The following CD1D variants were observed in gnomAD, a reference collection of about 807,000 sequenced individuals.
CD1D encodes the protein antigen-presenting glycoprotein CD1d.
Under a neutral mutation model 42.1 loss-of-function variants are expected in CD1D, and 40 were observed. The ratio of observed to expected loss-of-function variants is 0.95; its 90% confidence interval spans 0.74 to 1.24. The LOEUF (loss-of-function observed/expected upper bound fraction) is 1.24. Among genes scored for constraint, CD1D ranks in the 50% most tolerant of loss-of-function variants. The pLI is 0.00. For missense variants in CD1D, 437 were observed against 416.5 expected, an observed-to-expected ratio of 1.05 and a Z score of -0.43; for synonymous variants, 178 against 171.8, an observed-to-expected ratio of 1.04 and a Z score of -0.28.
At chr1:158,180,741 C>T, upstream of CD1D, 1 of 245,914 alleles carries the variant, frequency 4.1e-6, no homozygotes, top group Non-Finnish European at 7.7e-6. Context: ...ACAGACACAA[C>T]CTTATGTCCT....
Position 158,182,166 on chromosome 1 carries a change from G to GCCCC in CD1D, c.464_467dup (p.Leu157ProfsTer26). The stretch of plus-strand genomic sequence containing the variant: ...AACTTCTTGGGAGCCAACCCAAGAG[G>GCCCC]CCCCACTTTGGGTAAACTTGGCCAT... On this transcript the variant is annotated frameshift_variant, in exon 3 of 6. Transcript: ENST00000674085. LOFTEE classifies it high-confidence loss of function. 1 of 1,614,148 alleles carries GCCCC rather than the reference G, an allele frequency of 6.2e-7. No individual in the cohort carries two copies. Among genetic ancestry groups the GCCCC allele is most frequent in the Non-Finnish European group, 8.5e-7 (1 of 1,180,034 alleles).
intron 5 of CD1D, 38 bp downstream of exon 5, chr1:158,184,073 C>T (rs1648596300): frequency 6.2e-7 from 1 of 1,613,500 alleles, no homozygotes; most frequent in Non-Finnish European, 8.5e-7. Flanking sequence ...CCTCTCTCCC[C>T]TTCATTCCTG....
At position 158,185,182 on chromosome 1, in the gene CD1D, G is replaced by A. The variant is rs1267638737; in HGVS notation, c.*1032G>A. Among the ~76,000 whole-genome samples, 1 of 152,192 alleles carries A rather than the reference G, an allele frequency of 6.6e-6. No homozygotes were observed. Among genetic ancestry groups the A allele is most frequent in the African/African-American group, 2.4e-5 (1 of 41,456 alleles). On this transcript the variant is annotated 3_prime_UTR_variant, in exon 6 of 6. Transcript: ENST00000674085. Reference sequence around the variant, plus strand: ...AGGACAGAGCAGGAAACTTACAGGGGTAGCAGACCTTTCTGATGCCAAAGA... The same window carrying A: ...AGGACAGAGCAGGAAACTTACAGGGATAGCAGACCTTTCTGATGCCAAAGA...
upstream of CD1D, among the ~76,000 whole-genome samples, chr1:158,178,052 G>T (rs1183334203): frequency 3.3e-5 from 5 of 152,228 alleles, no homozygotes; most frequent in East Asian, 9.6e-4. Flanking sequence ...TTGCTCCTGG[G>T]ACTGGACGTC....
chr1:158,181,861 G>T, intron 2 of CD1D, 140 bp downstream of exon 2: 1 of 1,364,156 alleles, frequency 7.3e-7, no homozygotes, highest in East Asian at 2.3e-5. Flanking sequence ...ACCTGGAGAT[G>T]TCCCAGGCTT....
rs201889532 is a variant in CD1D at position 158,184,117 on chromosome 1, A to G, written c.987-12A>G. 1,760 of 1,613,548 alleles carry G rather than the reference A, an allele frequency of 1.1e-3. 29 individuals carry two copies. The South Asian group carries it at 0.016, about 14-fold the overall frequency. On this transcript the variant is annotated splice_polypyrimidine_tract_variant and intron_variant, in intron 5 of 5. Transcript: ENST00000674085. The stretch of plus-strand genomic sequence containing the variant: ...TTTCCTTAATGGTCTTTCCCTTTCT[A>G]TTCTCTCACAGTTCCTATCAGGGCG...
At position 158,185,391 on chromosome 1, in the gene CD1D, C is replaced by G. The variant is rs1648662421; in HGVS notation, c.*1241C>G. Among the ~76,000 whole-genome samples the G allele has an allele frequency of 6.6e-6, 1 of 152,144 alleles. No homozygotes were observed. The highest frequency in any genetic ancestry group is 1.9e-4 in the East Asian group (1 of 5,192). ...TGAATTTAGGATGTGCGTGAAGATT[C>G]TGCTAGCTTCAACATATCCCAAAGC... is the stretch of plus-strand genomic sequence containing the variant. On this transcript the variant is annotated 3_prime_UTR_variant, in exon 6 of 6. Transcript: ENST00000674085.
chr1:158,183,127 T>TA lies in CD1D; in HGVS notation c.858dup (p.Glu287ArgfsTer40). 6.2e-7 allele frequency: 1 copy of TA among 1,612,582 alleles called. No individual in the cohort carries two copies. Among genetic ancestry groups the TA allele is most frequent in the Non-Finnish European group, 8.5e-7 (1 of 1,179,008 alleles). ...TCCTGTCGGGTGAAGCACAGCAGTC[T>TA]AGAGGGCCAGGACATCGTCCTCTAC... On this transcript the variant is annotated frameshift_variant, in exon 4 of 6. Coordinates refer to ENST00000674085, the MANE Select transcript of CD1D (RefSeq NM_001371762.2). LOFTEE classifies it high-confidence loss of function.
Position 158,181,133 on chromosome 1 carries a change from C to A in CD1D, c.32C>A (p.Ala11Glu), listed in dbSNP as rs575858932. 112 of 1,549,020 alleles carry A rather than the reference C, an allele frequency of 7.2e-5. No individual in the cohort carries two copies. The East Asian group carries it at 2.6e-3, about 36-fold the overall frequency. Residue 11 changes from alanine to glutamate, a missense_variant, in exon 1 of 6, where the codon GCG becomes GAG. Ala to Glu is a moderately radical substitution (Grantham distance 107, BLOSUM62 -1). Coordinates refer to ENST00000674085, the MANE Select transcript of CD1D (RefSeq NM_001371762.2). MGCLLFLLLW[A>E]LLQAWGSAEV... Reference sequence around the variant, plus strand: ...TGCCTGCTGTTTCTGCTGCTCTGGGCGCTCCTCCAGGCTTGGGGAAGCGCT... The same window carrying A: ...TGCCTGCTGTTTCTGCTGCTCTGGGAGCTCCTCCAGGCTTGGGGAAGCGCT...
upstream of CD1D, among the ~76,000 whole-genome samples, chr1:158,179,434 T>G (rs765435932): frequency 9.2e-5 from 14 of 152,172 alleles, no homozygotes; most frequent in Non-Finnish European, 1.6e-4. Flanking sequence ...AAGGGAAACA[T>G]TAACGTTAGC....
At position 158,182,194 on chromosome 1, in the gene CD1D, A is replaced by G. The variant is rs769237588; in HGVS notation, c.491A>G (p.Gln164Arg). Residue 164 changes from glutamine (Q) to arginine (R), a missense_variant, in exon 3 of 6, where the codon CAA (glutamine) becomes CGA (arginine). Coordinates refer to ENST00000674085, the MANE Select transcript of CD1D (RefSeq NM_001371762.2). The part of the protein sequence containing the change: ...EAPLWVNLAI[Q>R]VLNQDKWTRE... ...CCACTTTGGGTAAACTTGGCCATTC[A>G]AGTGCTCAACCAGGACAAGTGGACG... 1 of 1,614,152 alleles carries G rather than the reference A, an allele frequency of 6.2e-7. No individual in the cohort carries two copies. The highest frequency in any genetic ancestry group is 1.7e-5 in the Admixed American group (1 of 60,016).
Position 158,184,134 on chromosome 1 carries a change from A to G in CD1D, c.992A>G (p.Tyr331Cys), listed in dbSNP as rs747537286. The change falls in exon 6 of 6, where the codon TAT (tyrosine) becomes TGT (cysteine). Residue 331 changes from tyrosine (Y) to cysteine (C), a missense_variant. Coordinates refer to ENST00000674085, the MANE Select transcript of CD1D (RefSeq NM_001371762.2). ...FTSRFKRQTS[Y>C]QGVL ...CCCTTTCTATTCTCTCACAGTTCCT[A>G]TCAGGGCGTCCTGTGACTCGCCTTG... 6 of 1,613,668 alleles carry G rather than the reference A, an allele frequency of 3.7e-6. No individual in the cohort carries two copies. The highest frequency in any genetic ancestry group is 4.5e-5 in the East Asian group (2 of 44,870).
upstream of CD1D, among the ~76,000 whole-genome samples, chr1:158,178,236 CTA>C (rs1648249477): frequency 6.6e-6 from 1 of 152,208 alleles, no homozygotes; most frequent in Non-Finnish European, 1.5e-5. Context: ...TGAATAAAGA[CTA>C]TGAGCAATTG....
chr1:158,184,096 C>G lies in CD1D; in HGVS notation c.987-33C>G, dbSNP rs201346283. On this transcript the variant is annotated intron_variant, in intron 5 of 5. Transcript: ENST00000674085. Reference sequence around the variant, plus strand: ...CCCTTCATTCCTGGCTTCCCTTTTCCTTAATGGTCTTTCCCTTTCTATTCT... The same window carrying G: ...CCCTTCATTCCTGGCTTCCCTTTTCGTTAATGGTCTTTCCCTTTCTATTCT... 2.2e-5 allele frequency: 36 copies of G among 1,613,948 alleles called. 1 individual carries two copies. The highest frequency in any genetic ancestry group is 2.9e-5 in the Non-Finnish European group (34 of 1,179,984).
chr1:158,183,650 A>G (rs1234567620), intron 4 of CD1D, among the ~76,000 whole-genome samples: 1 of 152,252 alleles, frequency 6.6e-6, no homozygotes, highest in Non-Finnish European at 1.5e-5. Flanking sequence ...CCGGAGCCAC[A>G]TAGAAAGTGG....
At position 158,183,001 on chromosome 1, in the gene CD1D, A is replaced by T. The variant is rs776133854; in HGVS notation, c.731A>T (p.Glu244Val). The change falls in exon 4 of 6, where the codon GAG becomes GTG. Residue 244 changes from glutamate (E) to valine (V), a missense_variant. Physicochemically the swap from Glu to Val is moderately radical, Grantham distance 121. Coordinates refer to ENST00000674085, the MANE Select transcript of CD1D (RefSeq NM_001371762.2). ...GTGAAGTGGATGCGGGGTGAGCAGG[A>T]GCAGCAGGGCACTCAGCCAGGGGAC... ...VWVKWMRGEQ[E>V]QQGTQPGDIL... 14 of 1,613,920 alleles carry T rather than the reference A, an allele frequency of 8.7e-6. No individual in the cohort carries two copies. The Admixed American group carries it at 2.2e-4, about 25-fold the overall frequency.
At chr1:158,178,612 A>C (rs577945056), upstream of CD1D, among the ~76,000 whole-genome samples, 1 of 152,242 alleles carries the variant, frequency 6.6e-6, no homozygotes, top group Non-Finnish European at 1.5e-5. Context: ...AAACCCTTTG[A>C]CCAAAATTAA....
rs1206883163 is a variant in CD1D, at chr1:158,186,275, A to C, written c.*2125A>C. On this transcript the variant is annotated 3_prime_UTR_variant, in exon 6 of 6. Coordinates refer to ENST00000674085, the MANE Select transcript of CD1D (RefSeq NM_001371762.2). ...CTAGCAGTGTCAAGTTTGTGAACCAACCCCACTGGCCTTCTGCATTCTGAG... is the reference window on the plus strand; with the variant it reads ...CTAGCAGTGTCAAGTTTGTGAACCACCCCCACTGGCCTTCTGCATTCTGAG... Among the ~76,000 whole-genome samples, 1 of 152,070 alleles carries C rather than the reference A, an allele frequency of 6.6e-6. No homozygotes were observed. The highest frequency in any genetic ancestry group is 1.5e-5 in the Non-Finnish European group (1 of 68,022).
chr1:158,181,274 G>T, intron 1 of CD1D, 112 bp downstream of exon 1: 1 of 1,438,830 alleles, frequency 7.0e-7, no homozygotes. Flanking sequence ...GGGACGCACT[G>T]GCGCGATCTA....
Sources: gnomAD v4.1 joint callset for allele counts (sites outside exome capture counted in the v4.1 genomes callset) on GRCh38, gnomAD v4.1.1 for gene constraint, MANE v1.5 for transcripts, NCBI Gene and HGNC (gene_info 2026-07-23, HGNC 2026-07-21) for gene names.